Variants in UBXN4 observed in about 807,000 individuals in gnomAD.
UBXN4 encodes UBX domain-containing protein 4.
A neutral mutation model predicts 66.2 loss-of-function variants in UBXN4; 35 were observed. The observed-to-expected ratio is 0.53, with a 90% CI of 0.40 to 0.70. The LOEUF is 0.70. Among genes scored for constraint, UBXN4 ranks in the 30% least tolerant of loss-of-function variants. The probability of loss-of-function intolerance (pLI) is 0.00; values close to 1 mark genes in which losing one functional copy is unlikely to be tolerated. For synonymous variants in UBXN4, 203 were observed against 204.5 expected (o/e 0.99, Z 0.06); for missense variants, 533 against 599.8 (o/e 0.89, Z 1.16).
chr2:135,750,583 CTG>C (rs985429939), intron 2 of UBXN4, among the ~76,000 whole-genome samples: 13 of 152,200 alleles, frequency 8.5e-5, no homozygotes, highest in African/African-American at 2.6e-4. Context: ...TAAAAATTTT[CTG>C]TGTTTACAAA....
chr2:135,760,502 T>C (rs1030480643), intron 5 of UBXN4, among the ~76,000 whole-genome samples: 1 of 151,980 alleles, frequency 6.6e-6, no homozygotes, highest in African/African-American at 2.4e-5. Context: ...CAGAGAACTC[T>C]GTGACATACA....
rs757302148 is a variant in UBXN4, at chr2:135,742,060, A to G, written c.82+49A>G. 8 of 1,594,588 alleles carry G rather than the reference A, an allele frequency of 5.0e-6. No individual in the cohort carries two copies. In the Admixed American group the frequency reaches 1.2e-4, roughly 24 times the overall value. On this transcript the variant is annotated intron_variant, in intron 1 of 12. Coordinates refer to ENST00000272638, the MANE Select transcript of UBXN4 (RefSeq NM_014607.4). Reference sequence around the variant, plus strand: ...GGCGGCCGGGACACCCCTCCGGCCTACCTTCATCCTCTTGTATACCTCAGC... The same window carrying G: ...GGCGGCCGGGACACCCCTCCGGCCTGCCTTCATCCTCTTGTATACCTCAGC...
intron 4 of UBXN4, among the ~76,000 whole-genome samples, chr2:135,754,912 G>A (rs2077270633): frequency 1.3e-5 from 2 of 152,074 alleles, no homozygotes. Context: ...AGCCTCCCCA[G>A]TGGTGGGATT....
intron 5 of UBXN4, 132 bp from the exon 6 acceptor site, chr2:135,761,686 C>T (rs2077317090): frequency 2.8e-6 from 2 of 721,968 alleles, no homozygotes; most frequent in South Asian, 3.4e-5. Flanking sequence ...TTAGCTCCTT[C>T]TCCATTTTTA....
intron 8 of UBXN4, 25 bp downstream of exon 8, chr2:135,770,760 C>T (rs148133802): frequency 4.8e-6 from 7 of 1,456,166 alleles, no homozygotes; most frequent in Admixed American, 2.7e-5. Flanking sequence ...TCCAGACATT[C>T]GTGAAACTGT....
intron 6 of UBXN4, among the ~76,000 whole-genome samples, chr2:135,764,610 C>A (rs2077336546): frequency 6.6e-6 from 1 of 150,798 alleles, no homozygotes. Context: ...TCCAGCGATT[C>A]TCCTGCCTCA....
intron 10 of UBXN4, among the ~76,000 whole-genome samples, chr2:135,777,182 A>C (rs2077420636): frequency 6.6e-6 from 1 of 152,204 alleles, no homozygotes; most frequent in South Asian, 2.1e-4. Flanking sequence ...ATATATCTTG[A>C]GATATGAGTA....
chr2:135,768,420 A>T (rs1264836214), intron 6 of UBXN4, among the ~76,000 whole-genome samples: 1 of 151,930 alleles, frequency 6.6e-6, no homozygotes, highest in Non-Finnish European at 1.5e-5. Flanking sequence ...GCTGGTCTCA[A>T]ACTCCTGACC....
chr2:135,779,233 T>C (rs1466406336), intron 11 of UBXN4, among the ~76,000 whole-genome samples, 154 bp downstream of exon 11: 3 of 152,248 alleles, frequency 2.0e-5, no homozygotes, highest in Non-Finnish European at 4.4e-5. Flanking sequence ...ATAATTCCAT[T>C]ATCCTGTGCT....
rs1387840777 is a variant in UBXN4 at position 135,782,984 on chromosome 2, A to G, written c.*97A>G. 3.7e-6 allele frequency: 5 copies of G among 1,336,264 alleles called. No individual in the cohort carries two copies. The highest frequency in any genetic ancestry group is 4.1e-6 in the Non-Finnish European group (4 of 974,146). The allele number at this position is 1,336,264 out of a possible 1,614,324, so 82.8% of individuals were successfully genotyped here. On this transcript the variant is annotated 3_prime_UTR_variant, in exon 13 of 13. Transcript: ENST00000272638. ...AAGTGGGACTGCTTTATATTTTCCA[A>G]CTGGTCTATAAAATGTCTCTTTATT...
chr2:135,768,648 C>G (rs1459473145), intron 6 of UBXN4, among the ~76,000 whole-genome samples: 3 of 151,814 alleles, frequency 2.0e-5, no homozygotes, highest in Admixed American at 2.0e-4. Flanking sequence ...ACTGCAACTT[C>G]CGCCTCCCAG....
chr2:135,777,529 T>C (rs1317929204), intron 10 of UBXN4, among the ~76,000 whole-genome samples: 1 of 152,186 alleles, frequency 6.6e-6, no homozygotes, highest in East Asian at 1.9e-4. Flanking sequence ...GTCCTGAGTT[T>C]CACTGCTTTT....
chr2:135,767,970 T>C (rs1488763799), intron 6 of UBXN4, among the ~76,000 whole-genome samples: 3 of 152,128 alleles, frequency 2.0e-5, no homozygotes, highest in African/African-American at 7.2e-5. Context: ...CCCCTTCATA[T>C]TGGGTCTTCT....
chr2:135,771,972 A>G (rs1035396684), intron 8 of UBXN4, among the ~76,000 whole-genome samples: 3 of 152,200 alleles, frequency 2.0e-5, no homozygotes, highest in Non-Finnish European at 4.4e-5. Flanking sequence ...CCGACAGTTG[A>G]TAAAACTAAA....
intron 9 of UBXN4, among the ~76,000 whole-genome samples, chr2:135,775,876 C>T (rs1028798185): frequency 3.9e-5 from 6 of 152,152 alleles, no homozygotes; most frequent in African/African-American, 1.4e-4. Flanking sequence ...AAGCCATTCT[C>T]CCTGCCTTAG....
At chr2:135,769,985 T>C (rs981166729) in intron 7 of UBXN4, among the ~76,000 whole-genome samples, 162 bp downstream of exon 7, 7 of 152,204 alleles carry the variant, frequency 4.6e-5, no homozygotes, top group African/African-American at 7.2e-5. Context: ...TCATAGTATA[T>C]ACATTTTTTG....
At chr2:135,777,703 G>A (rs978113648) in intron 10 of UBXN4, among the ~76,000 whole-genome samples, 2 of 151,762 alleles carry the variant, frequency 1.3e-5, no homozygotes, top group Non-Finnish European at 2.9e-5. Flanking sequence ...TGACCAACAT[G>A]GTGACCCCAT....
At chr2:135,766,257 G>A (rs1239110729) in intron 6 of UBXN4, among the ~76,000 whole-genome samples, 2 of 151,914 alleles carry the variant, frequency 1.3e-5, no homozygotes, top group African/African-American at 2.4e-5. Flanking sequence ...AAACAAACTT[G>A]CGTTTGTATT....
At chr2:135,775,627 G>A (rs1575323507) in intron 9 of UBXN4, among the ~76,000 whole-genome samples, 1 of 152,322 alleles carries the variant, frequency 6.6e-6, no homozygotes, top group African/African-American at 2.4e-5. Flanking sequence ...AGGGTCTGGA[G>A]GAGGGAGGGA....
Sources: allele counts gnomAD v4.1 joint callset (sites outside exome capture counted in the v4.1 genomes callset), GRCh38; gene constraint gnomAD v4.1.1; transcripts MANE v1.5; gene names NCBI Gene and HGNC (gene_info 2026-07-23, HGNC 2026-07-21).